The following LSAMP variants were observed in gnomAD, a reference collection of about 807,000 sequenced individuals.
LSAMP encodes the protein limbic system associated membrane protein, also known as limbic system-associated membrane protein.
Under a neutral mutation model 38.6 loss-of-function variants are expected in LSAMP, and 7 were observed. The ratio of observed to expected loss-of-function variants is 0.18; its 90% CI spans 0.10 to 0.34. The LOEUF is 0.34. Ranked by LOEUF, LSAMP falls within the 10% of genes least tolerant of loss-of-function variation. The pLI is 1.00. For synonymous variants in LSAMP, 154 were observed against 166.8 expected, an observed-to-expected ratio of 0.92 and a Z score of 0.59; for missense variants, 313 against 420.0, an observed-to-expected ratio of 0.75 and a Z score of 2.23.
intron 3 of LSAMP, among the ~76,000 whole-genome samples, chr3:115,935,485 C>T (rs192103625): frequency 1.4e-4 from 21 of 152,292 alleles, no homozygotes; most frequent in African/African-American, 3.9e-4. Context: ...ACACGCTGCT[C>T]GTCCCAGCAG....
At chr3:116,187,040 G>A (rs538385479) in intron 1 of LSAMP, among the ~76,000 whole-genome samples, 2 of 152,200 alleles carry the variant, frequency 1.3e-5, no homozygotes, top group East Asian at 3.9e-4. Context: ...AACAAAGAAT[G>A]TATTATGCTC....
intron 3 of LSAMP, among the ~76,000 whole-genome samples, chr3:115,909,074 T>G (rs1241806598): frequency 6.6e-6 from 1 of 152,224 alleles, no homozygotes; most frequent in Non-Finnish European, 1.5e-5. Flanking sequence ...GTTGTTGCTA[T>G]ACTGCCTTCC....
At chr3:116,097,101 T>C (rs1708241245) in intron 1 of LSAMP, among the ~76,000 whole-genome samples, 1 of 152,180 alleles carries the variant, frequency 6.6e-6, no homozygotes, top group Non-Finnish European at 1.5e-5. Flanking sequence ...CTGGCTCAGA[T>C]TTGTAGTTAA....
intron 1 of LSAMP, among the ~76,000 whole-genome samples, chr3:116,103,557 CT>C (rs547545490): frequency 0.039 from 4,591 of 117,872 alleles, 73 homozygotes; most frequent in Non-Finnish European, 0.046. Flanking sequence ...CTCATTCCAT[CT>C]TTTTTTTTTT....
intron 3 of LSAMP, among the ~76,000 whole-genome samples, chr3:116,010,848 T>G (rs1940303625): frequency 6.6e-6 from 1 of 152,224 alleles, no homozygotes; most frequent in Admixed American, 6.5e-5. Flanking sequence ...ATTATCAGTG[T>G]GTATTTAGTT....
rs534220135 is a variant in LSAMP, at chr3:115,874,766, G to A, written c.515-22149C>T. ...CAGTGTGAAGCAGGCAAGATATCTC[G>A]AGTGAAAGAGTGGATAAAAGAGAGT... is the stretch of plus-strand genomic sequence containing the variant. On this transcript the variant is annotated intron_variant, in intron 3 of 6. Transcript: ENST00000490035. 3.6e-4 allele frequency among the ~76,000 whole-genome samples: 55 copies of A among 152,100 alleles called. 2 individuals are homozygous for A. The highest frequency in any genetic ancestry group is 3.4e-3 in the Middle Eastern group (1 of 294).
intron 3 of LSAMP, among the ~76,000 whole-genome samples, chr3:116,009,797 C>T (rs559189376): frequency 6.6e-6 from 1 of 152,074 alleles, no homozygotes; most frequent in East Asian, 1.9e-4. Context: ...CACCCTCACC[C>T]CCACTATAGC....
intron 1 of LSAMP, among the ~76,000 whole-genome samples, chr3:116,251,320 G>T (rs531832787): frequency 3.0e-4 from 45 of 152,218 alleles, no homozygotes; most frequent in African/African-American, 1.1e-3. Flanking sequence ...CACAAAGTTT[G>T]GTGTTGATTT....
At chr3:115,971,241 T>C (rs1453617268) in intron 3 of LSAMP, among the ~76,000 whole-genome samples, 1 of 152,190 alleles carries the variant, frequency 6.6e-6, no homozygotes, top group African/African-American at 2.4e-5. Flanking sequence ...TAATGAGGAA[T>C]ACAATATGAC....
At chr3:116,389,395 C>T (rs1382887335) in intron 1 of LSAMP, among the ~76,000 whole-genome samples, 1 of 152,138 alleles carries the variant, frequency 6.6e-6, no homozygotes, top group Non-Finnish European at 1.5e-5. Context: ...GCCTTGGCCA[C>T]AGTGATGCTG....
Position 115,898,652 on chromosome 3 carries a change from A to G in LSAMP, c.515-46035T>C, listed in dbSNP as rs149845408. 1.3e-3 allele frequency among the ~76,000 whole-genome samples: 192 copies of G among 151,422 alleles called. 2 individuals are homozygous for G. Among genetic ancestry groups the G allele is most frequent in the African/African-American group, 4.4e-3 (181 of 41,324 alleles). ...ACCCAAAAGACATTTCTTTGATCTT[A>G]ACAAGATACAATTAGATTGAGACTC... On this transcript the variant is annotated intron_variant, in intron 3 of 6. Coordinates refer to ENST00000490035, the MANE Select transcript of LSAMP (RefSeq NM_002338.5).
intron 4 of LSAMP, among the ~76,000 whole-genome samples, chr3:115,844,223 G>A (rs1935086105): frequency 6.6e-6 from 1 of 152,174 alleles, no homozygotes; most frequent in South Asian, 2.1e-4. Flanking sequence ...TGATCCAAGT[G>A]TATTTTCAAA....
At chr3:116,108,074 G>A (rs562167710) in intron 1 of LSAMP, among the ~76,000 whole-genome samples, 14 of 152,156 alleles carry the variant, frequency 9.2e-5, no homozygotes, top group South Asian at 4.2e-4. Context: ...GGCATTGAGC[G>A]GGGTAAGGGT....
At chr3:116,394,552 T>C (rs527817348) in intron 1 of LSAMP, among the ~76,000 whole-genome samples, 18 of 152,328 alleles carry the variant, frequency 1.2e-4, no homozygotes, top group East Asian at 3.9e-4. Context: ...CAACCTGCTA[T>C]AATTTTGACT....
At chr3:116,008,922 A>T (rs949037517) in intron 3 of LSAMP, among the ~76,000 whole-genome samples, 2 of 152,154 alleles carry the variant, frequency 1.3e-5, no homozygotes, top group African/African-American at 4.8e-5. Context: ...GATGGGACCC[A>T]ATATTCTGCA....
At chr3:116,114,651 G>C (rs1001092695) in intron 1 of LSAMP, among the ~76,000 whole-genome samples, 3 of 152,054 alleles carry the variant, frequency 2.0e-5, no homozygotes, top group African/African-American at 7.2e-5. Context: ...AAATACTAAC[G>C]TTGCTTTTAT....
chr3:115,803,455 A>G lies in LSAMP; in HGVS notation c.*6862T>C, dbSNP rs1370812677. On this transcript the variant is annotated 3_prime_UTR_variant, in exon 7 of 7. Coordinates refer to ENST00000490035, the MANE Select transcript of LSAMP (RefSeq NM_002338.5). ...AAGAGGATCTGTGCTCAATGCATCT[A>G]GAACATGGCACAAGAAAATAATTCC... 1 of 152,226 alleles carries G rather than the reference A, an allele frequency of 6.6e-6. No homozygotes were observed. The highest frequency in any genetic ancestry group is 1.5e-5 in the Non-Finnish European group (1 of 68,048). The allele number at this position is 152,226 out of a possible 1,614,324, so 9.4% of individuals were successfully genotyped here.
At chr3:116,370,588 C>T (rs1354685089) in intron 1 of LSAMP, among the ~76,000 whole-genome samples, 4 of 152,166 alleles carry the variant, frequency 2.6e-5, no homozygotes, top group African/African-American at 9.7e-5. Context: ...AGCATGCACA[C>T]ATTTTGTGGG....
chr3:116,046,878 T>C (rs1157363259), intron 2 of LSAMP, among the ~76,000 whole-genome samples: 2 of 152,196 alleles, frequency 1.3e-5, no homozygotes, highest in African/African-American at 2.4e-5. Flanking sequence ...CATTCATTCC[T>C]GTATTTTAGA....
Sources: allele counts gnomAD v4.1 joint callset (sites outside exome capture counted in the v4.1 genomes callset), GRCh38; gene constraint gnomAD v4.1.1; transcripts MANE v1.5; gene names NCBI Gene and HGNC (gene_info 2026-07-23, HGNC 2026-07-21).